ZNF281: variants seen among roughly 807,000 people sequenced by gnomAD.
ZNF281 encodes zinc finger protein 281, also known as GC-box-binding zinc finger protein 1.
In ZNF281, 2 loss-of-function variants were observed where a neutral mutation model predicts 58.8. The observed-to-expected ratio is 0.03, with a 90% CI of 0.01 to 0.11. The LOEUF (loss-of-function observed/expected upper bound fraction) is 0.11. Among genes scored for constraint, ZNF281 ranks in the 10% least tolerant of loss-of-function variants. The pLI, the probability that ZNF281 is intolerant of heterozygous loss-of-function variation, is 1.00. For missense variants in ZNF281, 975 were observed against 1,090.7 expected, an observed-to-expected ratio of 0.89 and a Z score of 1.49; for synonymous variants, 465 against 407.7, an observed-to-expected ratio of 1.14 and a Z score of -1.69.
At position 200,409,507 on chromosome 1, in the gene ZNF281, C is replaced by T. The variant is rs894459840; in HGVS notation, c.199G>A (p.Ala67Thr). The T allele has an allele frequency of 7.7e-6, 12 of 1,549,144 alleles. No homozygotes were observed. Among genetic ancestry groups the T allele is most frequent in the Non-Finnish European group, 1.0e-5 (12 of 1,146,422 alleles). ...LPPVTSFTRP[A>T]GSAAPPPQCV... Reference sequence around the variant, plus strand: ...TGCGGGGGAGGGGCGGCCGACCCCGCCGGCCGGGTGAAGCTGGTGACCGGG... The same window carrying T: ...TGCGGGGGAGGGGCGGCCGACCCCGTCGGCCGGGTGAAGCTGGTGACCGGG... The change falls in exon 2 of 2, where the codon GCG becomes ACG. Residue 67 changes from alanine to threonine, a missense_variant. Physicochemically the swap from Ala to Thr is moderately conservative, Grantham distance 58. Coordinates refer to ENST00000367353, the MANE Select transcript of ZNF281 (RefSeq NM_001281293.2).
At position 200,409,231 on chromosome 1, in the gene ZNF281, T is replaced by C. The variant is rs1355614361; in HGVS notation, c.475A>G (p.Arg159Gly). 11 of 1,613,904 alleles carry C rather than the reference T, an allele frequency of 6.8e-6. No homozygotes were observed. The highest frequency in any genetic ancestry group is 9.3e-6 in the Non-Finnish European group (11 of 1,180,012). ...TCACCGCCTCCTAGGCCTGGAGACCTCTCTTCAGCTCCAGCGAACAGCCCC... is the reference window on the plus strand; with the variant it reads ...TCACCGCCTCCTAGGCCTGGAGACCCCTCTTCAGCTCCAGCGAACAGCCCC... ...YGGLFAGAEE[R>G]SPGLGGGEGG... Residue 159 changes from arginine (R) to glycine (G), a missense_variant, in exon 2 of 2, where the codon AGG becomes GGG. Coordinates refer to ENST00000367353, the MANE Select transcript of ZNF281 (RefSeq NM_001281293.2).
chr1:200,407,633 T>C lies in ZNF281; in HGVS notation c.2073A>G (p.Gln691=), dbSNP rs145818189. The C allele has an allele frequency of 8.6e-5, 139 of 1,614,080 alleles. No homozygotes were observed. The highest frequency in any genetic ancestry group is 5.9e-4 in the African/African-American group (44 of 74,924). The change falls in exon 2 of 2, where the codon CAA becomes CAG. Residue 691 remains glutamine, a synonymous_variant. Coordinates refer to ENST00000367353, the MANE Select transcript of ZNF281 (RefSeq NM_001281293.2). ...NASFTLGHGF[Q]FVSLSSPLHN... ...GGAGAGGTGAAGACAAACTGACAAA[T>C]TGGAAACCGTGTCCAAGAGTAAAAC...
chr1:200,409,457 G>C lies in ZNF281; in HGVS notation c.249C>G (p.Ser83=). Reference sequence around the variant, plus strand: ...GGGGGGGCTCAGCGGCCGGGGCTGCGGAGGTAGAGGAGGATAACACGCATT... The same window carrying C: ...GGGGGGGCTCAGCGGCCGGGGCTGCCGAGGTAGAGGAGGATAACACGCATT... ...PPQCVLSSST[S]AAPAAEPPPP... The change falls in exon 2 of 2, where the codon TCC becomes TCG. Residue 83 remains serine (S), a synonymous_variant. Transcript: ENST00000367353. 6.5e-7 allele frequency: 1 copy of C among 1,535,318 alleles called. No homozygotes were observed. Among genetic ancestry groups the C allele is most frequent in the South Asian group, 1.2e-5 (1 of 82,978 alleles).
rs939894595 is a variant in ZNF281 at position 200,408,280 on chromosome 1, C to A, written c.1426G>T (p.Asp476Tyr). 2 of 1,611,504 alleles carry A rather than the reference C, an allele frequency of 1.2e-6. No homozygotes were observed. Among genetic ancestry groups the A allele is most frequent in the African/African-American group, 2.7e-5 (2 of 75,038 alleles). Reference protein sequence around the residue: ...IFKKGSRKNTDKNYLNFVSPL... With the variant: ...IFKKGSRKNTYKNYLNFVSPL... Reference sequence around the variant, plus strand: ...GACACAAAGTTAAGGTAGTTTTTATCTGTATTCTTTCTGCTTCCTTTCTTA... The same window carrying A: ...GACACAAAGTTAAGGTAGTTTTTATATGTATTCTTTCTGCTTCCTTTCTTA... Residue 476 changes from aspartate (D) to tyrosine (Y), a missense_variant, in exon 2 of 2, where the codon GAT becomes TAT. Physicochemically the swap from Asp to Tyr is radical, Grantham distance 160. Transcript: ENST00000367353.
At position 200,407,285 on chromosome 1, in the gene ZNF281, A is replaced by C; in HGVS notation, c.2421T>G (p.Ser807=). The C allele has an allele frequency of 6.2e-7, 1 of 1,614,192 alleles. No homozygotes were observed. Among genetic ancestry groups the C allele is most frequent in the Non-Finnish European group, 8.5e-7 (1 of 1,180,036 alleles). Residue 807 remains serine, a synonymous_variant, in exon 2 of 2, where the codon TCT becomes TCG. Transcript: ENST00000367353. ...GATCTATCTGGCTAGCTAACTCCTGAGATGGAATCTGAAAGCCTGTTGAAG... is the reference window on the plus strand; with the variant it reads ...GATCTATCTGGCTAGCTAACTCCTGCGATGGAATCTGAAAGCCTGTTGAAG... The part of the protein sequence containing the change: ...LESSTGFQIP[S]QELASQIDPQ...
chr1:200,407,956 T>C lies in ZNF281; in HGVS notation c.1750A>G (p.Ile584Val), dbSNP rs1206066518. The C allele has an allele frequency of 2.5e-6, 4 of 1,614,192 alleles. No homozygotes were observed. The highest frequency in any genetic ancestry group is 2.2e-5 in the South Asian group (2 of 91,082). Residue 584 changes from isoleucine (I) to valine (V), a missense_variant, in exon 2 of 2, where the codon ATT (isoleucine) becomes GTT (valine). Transcript: ENST00000367353. ...VLDNEAPLSL[I>V]DSSALNAEIK... ...TCAGCATTTAGAGCTGAGGAGTCAA[T>C]AAGTGACAATGGTGCCTCATTGTCC...
In ZNF281 at chr1:200,406,095, A is replaced by G. The variant is rs1246275404; in HGVS notation, c.*923T>C. The G allele has an allele frequency of 6.6e-6, 1 of 152,254 alleles. No homozygotes were observed. Among genetic ancestry groups the G allele is most frequent in the Admixed American group, 6.5e-5 (1 of 15,280 alleles). 9.4% of individuals were successfully genotyped at this position (152,254 alleles called of 1,614,324 possible). On this transcript the variant is annotated 3_prime_UTR_variant, in exon 2 of 2. Coordinates refer to ENST00000367353, the MANE Select transcript of ZNF281 (RefSeq NM_001281293.2). ...GTAGGTAATACGTAACAGCGCAGAC[A>G]GAACCGTTGTAGGCCATGTATAATA...
Position 200,406,428 on chromosome 1 carries a change from C to T in ZNF281, c.*590G>A, listed in dbSNP as rs573807658. On this transcript the variant is annotated 3_prime_UTR_variant, in exon 2 of 2. Coordinates refer to ENST00000367353, the MANE Select transcript of ZNF281 (RefSeq NM_001281293.2). ...ACAAAATATAGGTAGCCAACAATCT[C>T]AGAATTTTGGATCAGCCCAGATGGA... The T allele has an allele frequency of 6.5e-6, 1 of 152,740 alleles. No individual in the cohort carries two copies. Among genetic ancestry groups the T allele is most frequent in the South Asian group, 2.1e-4 (1 of 4,826 alleles). 9.5% of individuals were successfully genotyped at this position (152,740 alleles called of 1,614,324 possible). A position where few individuals can be genotyped will look rare whatever the true frequency, so the allele number is the denominator to read the frequency against.
intron 1 of ZNF281, 91 bp downstream of exon 1, chr1:200,409,855 A>G: frequency 8.1e-7 from 1 of 1,229,430 alleles, no homozygotes. Context: ...ACTAATTCCC[A>G]GCCCAGTCGC....
At position 200,407,184 on chromosome 1, in the gene ZNF281, G is replaced by T. The variant is rs769339814; in HGVS notation, c.2522C>A (p.Ser841Ter). The T allele has an allele frequency of 1.9e-6, 3 of 1,614,188 alleles. No individual in the cohort carries two copies. Among genetic ancestry groups the T allele is most frequent in the Non-Finnish European group, 8.5e-7 (1 of 1,180,032 alleles). Residue 841 changes from serine (S) to a stop codon, truncating the protein, a stop_gained, in exon 2 of 2, where the codon TCG becomes TAG. Transcript: ENST00000367353. LOFTEE classifies it high-confidence loss of function. ...FAQAFGSQFK[S>*]GSRVPMTFIT... The stretch of plus-strand genomic sequence containing the variant: ...AAAGGTCATTGGCACCCTGCTGCCC[G>T]ACTTAAACTGAGAACCAAACGCTTG...
In ZNF281 at chr1:200,409,277, G is replaced by T; in HGVS notation, c.429C>A (p.His143Gln). 6.2e-7 allele frequency: 1 copy of T among 1,612,886 alleles called. No individual in the cohort carries two copies. Among genetic ancestry groups the T allele is most frequent in the Non-Finnish European group, 8.5e-7 (1 of 1,179,562 alleles). Reference protein sequence around the residue: ...ADPEEQQSHHHHHHHHYGGLF... With the variant: ...ADPEEQQSHHQHHHHHYGGLF... ...GCCCCCCATAGTGGTGGTGGTGATG[G>T]TGGTGGTGGGACTGCTGCTCCTCAG... Residue 143 changes from histidine to glutamine, a missense_variant, in exon 2 of 2, where the codon CAC becomes CAA. By Grantham distance (24) the His-to-Gln change is conservative (BLOSUM62 0). This residue lies in a region of ZNF281 where 370 missense variants were observed against 360.9 expected (regional missense o/e 1.03). Transcript: ENST00000367353.
rs142833847 is a variant in ZNF281, at chr1:200,407,977, T to C, written c.1729A>G (p.Asn577Asp). Residue 577 changes from asparagine (N) to aspartate (D), a missense_variant, in exon 2 of 2, where the codon AAT becomes GAT. Asn to Asp is a conservative substitution (Grantham distance 23). This residue lies in a region of ZNF281 where 579 missense variants were observed against 608.9 expected (regional missense o/e 0.95). Coordinates refer to ENST00000367353, the MANE Select transcript of ZNF281 (RefSeq NM_001281293.2). ...TCAATAAGTGACAATGGTGCCTCAT[T>C]GTCCAAAACACTGACACCTGCAGAC... ...IQSAGVSVLDNEAPLSLIDSS... is the reference protein window; with the variant it reads ...IQSAGVSVLDDEAPLSLIDSS... 933 of 1,614,214 alleles carry C rather than the reference T, an allele frequency of 5.8e-4. 4 individuals carry two copies. The highest frequency in any genetic ancestry group is 7.2e-4 in the Non-Finnish European group (847 of 1,180,048).
In ZNF281 at chr1:200,406,916, C is replaced by T; in HGVS notation, c.*102G>A. The T allele has an allele frequency of 8.7e-7, 1 of 1,154,658 alleles. No individual in the cohort carries two copies. The highest frequency in any genetic ancestry group is 1.2e-6 in the Non-Finnish European group (1 of 838,796). The allele number at this position is 1,154,658 out of a possible 1,614,324, so 71.5% of individuals were successfully genotyped here. On this transcript the variant is annotated 3_prime_UTR_variant, in exon 2 of 2. Transcript: ENST00000367353. ...GAAAAGTTGCATTGAAAGGGCATCA[C>T]ATTATTCTTAATAGGATCGTGTAGA... is the stretch of plus-strand genomic sequence containing the variant.
At position 200,409,629 on chromosome 1, in the gene ZNF281, C is replaced by T. The variant is rs781171871; in HGVS notation, c.77G>A (p.Gly26Asp). ...SSGGSGSGGGGSGGGGGGGSS... is the reference protein window; with the variant it reads ...SSGGSGSGGGDSGGGGGGGSS... The stretch of plus-strand genomic sequence containing the variant: ...GCCGCCGCCGCCGCCGCCGCCACTA[C>T]CACCGCCGCCGGAGCCGCTACCACC... The change falls in exon 2 of 2, where the codon GGT becomes GAT. Residue 26 changes from glycine (G) to aspartate (D), a missense_variant. Physicochemically the swap from Gly to Asp is moderately conservative, Grantham distance 94 (BLOSUM62 -1). Coordinates refer to ENST00000367353, the MANE Select transcript of ZNF281 (RefSeq NM_001281293.2). 2.8e-5 allele frequency: 44 copies of T among 1,551,304 alleles called. No homozygotes were observed. In the South Asian group the frequency reaches 5.1e-4, roughly 18 times the overall value.
rs771896517 is a variant in ZNF281, at chr1:200,408,348, G to C, written c.1358C>G (p.Thr453Ser). 8.1e-6 allele frequency: 13 copies of C among 1,613,698 alleles called. No individual in the cohort carries two copies. In the South Asian group the frequency reaches 1.2e-4, roughly 15 times the overall value. ...CCTCTTCTGCAGTTCATCTATTCCAGTGCCAATTATGCCTCCACTGGAAGA... is the reference window on the plus strand; with the variant it reads ...CCTCTTCTGCAGTTCATCTATTCCACTGCCAATTATGCCTCCACTGGAAGA... ...TVSSSGGIIG[T>S]GIDELQKRVP... Residue 453 changes from threonine to serine, a missense_variant, in exon 2 of 2, where the codon ACT (threonine) becomes AGT (serine). Transcript: ENST00000367353.
Position 200,407,774 on chromosome 1 carries a change from C to G in ZNF281, c.1932G>C (p.Leu644Phe), listed in dbSNP as rs770236175. 1 of 1,614,084 alleles carries G rather than the reference C, an allele frequency of 6.2e-7. No homozygotes were observed. Among genetic ancestry groups the G allele is most frequent in the Admixed American group, 1.7e-5 (1 of 60,016 alleles). Residue 644 changes from leucine to phenylalanine, a missense_variant, in exon 2 of 2, where the codon TTG (leucine) becomes TTC (phenylalanine). Transcript: ENST00000367353. Reference sequence around the variant, plus strand: ...CTGGGCTCAAATTTTCTTCTTGAACCAATTCTGAGTGTTCTCCTGAGGTGT... The same window carrying G: ...CTGGGCTCAAATTTTCTTCTTGAACGAATTCTGAGTGTTCTCCTGAGGTGT... ...DLHTSGEHSE[L>F]VQEENLSPGT... is the part of the protein sequence containing the mutation.
chr1:200,409,115 G>A lies in ZNF281; in HGVS notation c.591C>T (p.Leu197=). The change falls in exon 2 of 2, where the codon CTC becomes CTT. Residue 197 remains leucine, a synonymous_variant. Transcript: ENST00000367353. ...GGTCATCAGTCCTGCTACTGCTGCT[G>A]AGTAATACGTCACGGTGGTGCTGGG... is the stretch of plus-strand genomic sequence containing the variant. The part of the protein sequence containing the change: ...QPAQHHRDVL[L]SSSSRTDDHH... 6.2e-7 allele frequency: 1 copy of A among 1,614,200 alleles called. No homozygotes were observed. The highest frequency in any genetic ancestry group is 8.5e-7 in the Non-Finnish European group (1 of 1,180,034).
rs748539087 is a variant in ZNF281 at position 200,409,144 on chromosome 1, G to T, written c.562C>A (p.Pro188Thr). ...SILHQHVQQQPAQHHRDVLLS... is the reference protein window; with the variant it reads ...SILHQHVQQQTAQHHRDVLLS... ...AATACGTCACGGTGGTGCTGGGCTG[G>T]TTGCTGCTGGACATGCTGGTGGAGA... The change falls in exon 2 of 2, where the codon CCA becomes ACA. Residue 188 changes from proline (P) to threonine (T), a missense_variant. Physicochemically the swap from Pro to Thr is conservative, Grantham distance 38. This residue lies in a region of ZNF281 where 370 missense variants were observed against 360.9 expected (regional missense o/e 1.03). Coordinates refer to ENST00000367353, the MANE Select transcript of ZNF281 (RefSeq NM_001281293.2). The T allele has an allele frequency of 4.4e-5, 71 of 1,614,048 alleles. No homozygotes were observed. In the East Asian group the frequency reaches 1.5e-3, roughly 34 times the overall value.
In ZNF281 at chr1:200,407,861, G is replaced by C; in HGVS notation, c.1845C>G (p.Ser615=). ...EVLQSILDQY[S]NKSESQKEDP... is the part of the protein sequence containing the mutation. Reference sequence around the variant, plus strand: ...CCTCTTTCTGGCTTTCTGATTTGTTGGAGTATTGATCCAAAATACTTTGTA... The same window carrying C: ...CCTCTTTCTGGCTTTCTGATTTGTTCGAGTATTGATCCAAAATACTTTGTA... Residue 615 remains serine (S), a synonymous_variant, in exon 2 of 2, where the codon TCC becomes TCG. Coordinates refer to ENST00000367353, the MANE Select transcript of ZNF281 (RefSeq NM_001281293.2). 6.2e-7 allele frequency: 1 copy of C among 1,614,026 alleles called. No individual in the cohort carries two copies. The highest frequency in any genetic ancestry group is 1.3e-5 in the African/African-American group (1 of 74,990).
Sources: gnomAD v4.1 joint callset for allele counts on GRCh38, gnomAD v4.1.1 for gene constraint, gnomAD v4.1.1 regional missense constraint, MANE v1.5 for transcripts, NCBI Gene and HGNC (gene_info 2026-07-23, HGNC 2026-07-21) for gene names.